ITGAV: variants seen among roughly 807,000 people sequenced by gnomAD.
ITGAV encodes integrin alpha-V.
A neutral mutation model predicts 143.8 loss-of-function variants in ITGAV; 76 were observed. The observed-to-expected ratio is 0.53, with a 90% confidence interval of 0.44 to 0.64. The LOEUF (loss-of-function observed/expected upper bound fraction) is 0.64. Among genes scored for constraint, ITGAV ranks in the 30% least tolerant of loss-of-function variants. The pLI is 0.00. For synonymous variants in ITGAV, 453 were observed against 446.7 expected, an observed-to-expected ratio of 1.01 and a Z score of -0.18; for missense variants, 1,193 against 1,274.7, an observed-to-expected ratio of 0.94 and a Z score of 0.98.
chr2:186,603,927 T>G (rs1280503597), intron 2 of ITGAV, among the ~76,000 whole-genome samples: 1 of 151,822 alleles, frequency 6.6e-6, no homozygotes, highest in Non-Finnish European at 1.5e-5. Context: ...TGCAGTGATG[T>G]GATCATGGCT....
chr2:186,660,456 C>T (rs550984452), intron 18 of ITGAV: 4 of 152,170 alleles, frequency 2.6e-5, no homozygotes, highest in Non-Finnish European at 4.4e-5. Flanking sequence ...GCGTTCTTAG[C>T]TTTGTTATTC....
chr2:186,657,279 A>C (rs1055299270), intron 17 of ITGAV, among the ~76,000 whole-genome samples: 5 of 152,146 alleles, frequency 3.3e-5, no homozygotes, highest in Non-Finnish European at 7.4e-5. Context: ...ACAACAACAT[A>C]ATTAATGAAC....
At chr2:186,677,089 T>C in intron 29 of ITGAV, 108 bp from the exon 30 acceptor site, 4 of 1,234,220 alleles carry the variant, frequency 3.2e-6, no homozygotes, top group Non-Finnish European at 3.5e-6. Context: ...AAGATAAATT[T>C]TATGAAATAC....
intron 17 of ITGAV, among the ~76,000 whole-genome samples, chr2:186,658,427 T>G (rs1007637112): frequency 6.6e-6 from 1 of 152,090 alleles, no homozygotes; most frequent in Non-Finnish European, 1.5e-5. Context: ...GACTGGAAAA[T>G]AATGTGGTAC....
chr2:186,649,907 C>T (rs746848855), intron 14 of ITGAV, 22 bp downstream of exon 14: 27 of 1,484,922 alleles, frequency 1.8e-5, no homozygotes, highest in Middle Eastern at 1.7e-4. Flanking sequence ...CTGTATCCTG[C>T]GGTATAGGAA....
rs56249746 is a variant in ITGAV at position 186,656,987 on chromosome 2, A to AACACACAC, written c.1719+616_1719+623dup. Reference sequence around the variant, plus strand: ...AGTTTGATCAAATATGAATTCATTAAACACACACACACACACACACACACA... The same window carrying AACACACAC: ...AGTTTGATCAAATATGAATTCATTAAACACACACACACACACACACACACACACACACA... On this transcript the variant is annotated intron_variant, in intron 17 of 29. Coordinates refer to ENST00000261023, the MANE Select transcript of ITGAV (RefSeq NM_002210.5). Among the ~76,000 whole-genome samples, 235 of 139,424 alleles carry AACACACAC rather than the reference A, an allele frequency of 1.7e-3. 1 individual carries two copies. The highest frequency in any genetic ancestry group is 5.6e-3 in the African/African-American group (218 of 38,928). 91.5% of individuals were successfully genotyped at this position (139,424 alleles called of 152,430 possible). A position where few individuals can be genotyped will look rare whatever the true frequency, so the allele number is the denominator to read the frequency against.
At chr2:186,595,454 C>G (rs1686724842) in intron 1 of ITGAV, among the ~76,000 whole-genome samples, 2 of 152,164 alleles carry the variant, frequency 1.3e-5, no homozygotes, top group Non-Finnish European at 2.9e-5. Context: ...TTGTCTGTCT[C>G]CCTCTCACTG....
chr2:186,657,414 C>T (rs1268486081), intron 17 of ITGAV, among the ~76,000 whole-genome samples: 2 of 152,154 alleles, frequency 1.3e-5, no homozygotes, highest in East Asian at 3.8e-4. Flanking sequence ...TACATACTAT[C>T]ACAGTGCAGT....
At chr2:186,652,886 C>T (rs1018727384) in intron 15 of ITGAV, among the ~76,000 whole-genome samples, 3 of 148,318 alleles carry the variant, frequency 2.0e-5, no homozygotes, top group Non-Finnish European at 3.0e-5. Context: ...TCATCTTTGT[C>T]ATTTGTATGC....
At chr2:186,647,528 A>G (rs1688297261) in intron 13 of ITGAV, among the ~76,000 whole-genome samples, 1 of 151,676 alleles carries the variant, frequency 6.6e-6, no homozygotes, top group South Asian at 2.1e-4. Flanking sequence ...GAGCCACCGC[A>G]CCCGGCCTTC....
chr2:186,632,807 G>C (rs1211118715), intron 5 of ITGAV, among the ~76,000 whole-genome samples: 1 of 151,978 alleles, frequency 6.6e-6, no homozygotes, highest in Non-Finnish European at 1.5e-5. Flanking sequence ...CTTCGCATTA[G>C]TCCTCATTTC....
At chr2:186,633,014 T>C (rs1687854907) in intron 5 of ITGAV, among the ~76,000 whole-genome samples, 1 of 151,130 alleles carries the variant, frequency 6.6e-6, no homozygotes, top group East Asian at 1.9e-4. Context: ...CATAGACAGA[T>C]AGATACATAG....
chr2:186,644,581 C>T (rs1243078499), intron 12 of ITGAV, among the ~76,000 whole-genome samples: 1 of 152,094 alleles, frequency 6.6e-6, no homozygotes, highest in Non-Finnish European at 1.5e-5. Context: ...GCCTCGGCCT[C>T]TGAAAGTGCT....
chr2:186,606,404 C>T (rs1379455821), intron 2 of ITGAV, among the ~76,000 whole-genome samples: 1 of 152,184 alleles, frequency 6.6e-6, no homozygotes, highest in East Asian at 1.9e-4. Context: ...TCTCATCAAC[C>T]TGCTCCATGG....
intron 2 of ITGAV, among the ~76,000 whole-genome samples, chr2:186,605,392 C>A (rs1421228772): frequency 6.6e-6 from 1 of 152,194 alleles, no homozygotes; most frequent in Non-Finnish European, 1.5e-5. Context: ...GCTTCACCAT[C>A]ATTTTGAGAA....
chr2:186,650,761 G>T (rs2105725135), intron 14 of ITGAV, among the ~76,000 whole-genome samples: 1 of 151,812 alleles, frequency 6.6e-6, no homozygotes, highest in South Asian at 2.1e-4. Context: ...TGTTATCTGG[G>T]CTGGTCTTGA....
chr2:186,670,980 T>C (rs1319268245), intron 26 of ITGAV, among the ~76,000 whole-genome samples: 1 of 152,180 alleles, frequency 6.6e-6, no homozygotes, highest in Non-Finnish European at 1.5e-5. Context: ...GACTCCTCTC[T>C]TTCTCTCAAA....
intron 4 of ITGAV, among the ~76,000 whole-genome samples, chr2:186,629,354 C>T (rs1323699094): frequency 6.6e-6 from 1 of 151,346 alleles, no homozygotes; most frequent in Non-Finnish European, 1.5e-5. Flanking sequence ...GTATGATAAT[C>T]AAAAAAAGGA....
At chr2:186,640,615 T>C (rs931417870) in intron 10 of ITGAV, among the ~76,000 whole-genome samples, 10 of 152,138 alleles carry the variant, frequency 6.6e-5, no homozygotes, top group African/African-American at 1.7e-4. Flanking sequence ...AGGGTAGGCC[T>C]GAGAAGGAGA....
Sources: allele counts gnomAD v4.1 joint callset (sites outside exome capture counted in the v4.1 genomes callset), GRCh38; gene constraint gnomAD v4.1.1; transcripts MANE v1.5; gene names NCBI Gene and HGNC (gene_info 2026-07-23, HGNC 2026-07-21).